GALNT13: variants seen among roughly 807,000 people sequenced by gnomAD.
GALNT13 encodes UDP-GalNAc:polypeptide N-acetylgalactosaminyltransferase 13.
In GALNT13, 28 loss-of-function variants were observed where a neutral mutation model predicts 64.2. The ratio of observed to expected loss-of-function variants is 0.44; its 90% CI spans 0.32 to 0.60. The LOEUF (loss-of-function observed/expected upper bound fraction) is 0.60, where lower values mean the gene tolerates loss of function less well. Among genes scored for constraint, GALNT13 ranks in the 20% least tolerant of loss-of-function variants. The pLI, the probability that GALNT13 is intolerant of heterozygous loss-of-function variation, is 0.05. For synonymous variants in GALNT13, 214 were observed against 224.6 expected (o/e 0.95, Z 0.42); for missense variants, 577 against 669.8 (o/e 0.86, Z 1.53).
the GALNT13 span, among the ~76,000 whole-genome samples, chr2:153,840,601 T>G: frequency 1.3e-5 from 2 of 152,074 alleles, no homozygotes; most frequent in African/African-American, 2.4e-5. Context: ...TTGGGTAATT[T>G]GAGAAATGCA....
the GALNT13 span, among the ~76,000 whole-genome samples, chr2:153,752,295 G>GT: frequency 2.4e-4 from 37 of 152,014 alleles, no homozygotes; most frequent in East Asian, 4.8e-3. Flanking sequence ...CAATTTCTGT[G>GT]TTTTTTTGTG....
chr2:154,216,491 T>A (rs920623916), intron 4 of GALNT13, among the ~76,000 whole-genome samples: 1 of 152,124 alleles, frequency 6.6e-6, no homozygotes, highest in Admixed American at 6.6e-5. Context: ...TCTTGTTAAT[T>A]TTTTATTGAT....
the GALNT13 span, among the ~76,000 whole-genome samples, chr2:153,372,573 G>A: frequency 2.4e-4 from 36 of 152,142 alleles, no homozygotes; most frequent in African/African-American, 8.2e-4. Flanking sequence ...TTGAACCAGG[G>A]GGGCAGAGGT....
At chr2:153,273,720 CAGTG>C in the GALNT13 span, among the ~76,000 whole-genome samples, 2 of 152,188 alleles carry the variant, frequency 1.3e-5, no homozygotes, top group Non-Finnish European at 2.9e-5. Flanking sequence ...TGCTGATTTT[CAGTG>C]AGTGTCACAG....
chr2:154,022,045 G>A (rs1232657073), intron 3 of GALNT13, among the ~76,000 whole-genome samples: 2 of 152,148 alleles, frequency 1.3e-5, no homozygotes, highest in Non-Finnish European at 2.9e-5. Flanking sequence ...GCATCCCAGG[G>A]ATGAAGCCCA....
the GALNT13 span, among the ~76,000 whole-genome samples, chr2:153,179,957 A>G: frequency 2.6e-5 from 4 of 152,076 alleles, no homozygotes; most frequent in Non-Finnish European, 5.9e-5. Context: ...TAGATATAAG[A>G]TTATGTCATC....
the GALNT13 span, among the ~76,000 whole-genome samples, chr2:153,251,635 C>A: frequency 5.8e-5 from 7 of 120,104 alleles, no homozygotes; most frequent in East Asian, 9.1e-4. Flanking sequence ...CCCACCCCAC[C>A]ACAGTCCCCA....
chr2:153,271,059 A>T, the GALNT13 span, among the ~76,000 whole-genome samples: 1 of 152,158 alleles, frequency 6.6e-6, no homozygotes, highest in Non-Finnish European at 1.5e-5. Context: ...CTTCAATAAA[A>T]TTCAACACCC....
At chr2:154,092,195 G>C (rs1005813546) in intron 3 of GALNT13, among the ~76,000 whole-genome samples, 1 of 150,858 alleles carries the variant, frequency 6.6e-6, no homozygotes, top group South Asian at 2.1e-4. Flanking sequence ...GAGTCCTCTT[G>C]TGAAAAATTA....
intron 12 of GALNT13, among the ~76,000 whole-genome samples, chr2:154,447,266 A>G (rs1701639357): frequency 6.6e-6 from 1 of 152,012 alleles, no homozygotes; most frequent in South Asian, 2.1e-4. Flanking sequence ...TAATTAAAAC[A>G]CTAAGCAAAC....
At chr2:153,809,104 A>G in the GALNT13 span, among the ~76,000 whole-genome samples, 1 of 152,140 alleles carries the variant, frequency 6.6e-6, no homozygotes, top group Non-Finnish European at 1.5e-5. Context: ...CTCTCTCTCA[A>G]TCACCTTAAG....
the GALNT13 span, among the ~76,000 whole-genome samples, chr2:153,355,108 A>T: frequency 6.6e-6 from 1 of 152,312 alleles, no homozygotes; most frequent in Non-Finnish European, 1.5e-5. Flanking sequence ...ATATCACGTT[A>T]TTCAATAGAG....
intron 10 of GALNT13, among the ~76,000 whole-genome samples, chr2:154,403,590 C>T (rs545027738): frequency 6.6e-6 from 1 of 152,334 alleles, no homozygotes; most frequent in East Asian, 1.9e-4. Context: ...CTGCTTATCT[C>T]TCAGGTCACC....
the GALNT13 span, among the ~76,000 whole-genome samples, chr2:153,295,457 T>C: frequency 6.6e-5 from 10 of 151,174 alleles, no homozygotes; most frequent in East Asian, 9.7e-4. Context: ...GAAACCAGCA[T>C]ACCCTGAACT....
chr2:153,814,936 T>C, the GALNT13 span, among the ~76,000 whole-genome samples: 3 of 152,232 alleles, frequency 2.0e-5, no homozygotes, highest in Admixed American at 1.3e-4. Flanking sequence ...TCATGTCATG[T>C]TGAGACATCT....
At chr2:153,751,585 C>T in the GALNT13 span, among the ~76,000 whole-genome samples, 2 of 151,602 alleles carry the variant, frequency 1.3e-5, no homozygotes, top group African/African-American at 4.8e-5. Flanking sequence ...ATATAGTGAC[C>T]TTTCTCTCTT....
chr2:153,849,748 T>G, the GALNT13 span, among the ~76,000 whole-genome samples: 1 of 152,000 alleles, frequency 6.6e-6, no homozygotes, highest in Admixed American at 6.6e-5. Flanking sequence ...GGCAGAGATA[T>G]GGAGAGTAGA....
intron 3 of GALNT13, among the ~76,000 whole-genome samples, chr2:153,969,961 G>T (rs1272660242): frequency 6.6e-6 from 1 of 152,174 alleles, no homozygotes; most frequent in Non-Finnish European, 1.5e-5. Flanking sequence ...TGGCACTCTT[G>T]TTGAATTTGA....
chr2:154,028,500 C>T (rs747560871), intron 3 of GALNT13, among the ~76,000 whole-genome samples: 23 of 152,080 alleles, frequency 1.5e-4, no homozygotes, highest in East Asian at 1.2e-3. Context: ...CTTTTTAAAA[C>T]GGCAATGTAT....
Sources: gnomAD v4.1 joint callset for allele counts (sites outside exome capture counted in the v4.1 genomes callset) on GRCh38, gnomAD v4.1.1 for gene constraint, MANE v1.5 for transcripts, NCBI Gene and HGNC (gene_info 2026-07-23, HGNC 2026-07-21) for gene names.